NRXN3: variants seen among roughly 807,000 people sequenced by gnomAD.
NRXN3 encodes neurexin 3.
In NRXN3, 32 loss-of-function variants were observed where a neutral mutation model predicts 137.6. The ratio of observed to expected loss-of-function variants is 0.23; its 90% CI spans 0.18 to 0.31. The LOEUF (loss-of-function observed/expected upper bound fraction) is 0.31. Among genes scored for constraint, NRXN3 ranks in the 10% least tolerant of loss-of-function variants. The pLI is 1.00. For synonymous variants in NRXN3, 798 were observed against 784.5 expected, an observed-to-expected ratio of 1.02 and a Z score of -0.29; for missense variants, 1,574 against 2,062.5, an observed-to-expected ratio of 0.76 and a Z score of 4.59.
At chr14:79,183,846 C>T (rs373437177) in intron 15 of NRXN3, among the ~76,000 whole-genome samples, 1 of 152,210 alleles carries the variant, frequency 6.6e-6, no homozygotes, top group Non-Finnish European at 1.5e-5. Flanking sequence ...ACTTCCATAG[C>T]GTAGCCTGGA....
chr14:78,347,313 TCTTA>T (rs1035080742), intron 4 of NRXN3, among the ~76,000 whole-genome samples: 10 of 152,140 alleles, frequency 6.6e-5, no homozygotes, highest in South Asian at 2.1e-4. Flanking sequence ...GAGCAATAAA[TCTTA>T]CTTATGATTT....
chr14:78,318,411 A>C (rs1207110497), intron 4 of NRXN3, among the ~76,000 whole-genome samples: 1 of 152,164 alleles, frequency 6.6e-6, no homozygotes, highest in Non-Finnish European at 1.5e-5. Flanking sequence ...CCTGACATGG[A>C]TTGCTATTGA....
chr14:79,226,119 A>G (rs963048913), intron 15 of NRXN3, among the ~76,000 whole-genome samples: 2 of 152,134 alleles, frequency 1.3e-5, no homozygotes, highest in African/African-American at 4.8e-5. Flanking sequence ...TTCAGGAGCC[A>G]TGATCCTTCC....
chr14:79,368,056 C>G (rs1036027043), intron 15 of NRXN3, among the ~76,000 whole-genome samples: 3 of 152,160 alleles, frequency 2.0e-5, no homozygotes, highest in African/African-American at 7.2e-5. Context: ...CATTTCATCA[C>G]TTGGAGCATT....
chr14:79,605,461 G>A (rs2097995972), intron 16 of NRXN3, among the ~76,000 whole-genome samples: 1 of 152,234 alleles, frequency 6.6e-6, no homozygotes, highest in South Asian at 2.1e-4. Context: ...GGGCCCTGGA[G>A]TCTTTGCAGA....
chr14:78,709,719 T>C lies in NRXN3; in HGVS notation c.1660+64T>C, dbSNP rs1051153039. ...AGCTGTAGCTTCTCAGTTTGTTTTT[T>C]GGCTTTATGTTTCTTAATTTTCACC... On this transcript the variant is annotated intron_variant, in intron 7 of 20. Coordinates refer to ENST00000335750, the MANE Select transcript of NRXN3 (RefSeq NM_001330195.2). 58 of 1,451,980 alleles carry C rather than the reference T, an allele frequency of 4.0e-5. 1 individual carries two copies. The African/African-American group carries it at 7.9e-4, about 20-fold the overall frequency. 89.9% of individuals were successfully genotyped at this position (1,451,980 alleles called of 1,614,324 possible).
At chr14:78,729,402 C>T (rs181051312) in intron 8 of NRXN3, among the ~76,000 whole-genome samples, 224 of 152,262 alleles carry the variant, frequency 1.5e-3, no homozygotes, top group Non-Finnish European at 2.7e-3. Flanking sequence ...CCTCTTCCAA[C>T]CTTGTCAGTT....
At chr14:79,195,438 G>A (rs141499644) in intron 15 of NRXN3, among the ~76,000 whole-genome samples, 108 of 152,258 alleles carry the variant, frequency 7.1e-4, no homozygotes, top group African/African-American at 2.3e-3. Flanking sequence ...ACCAGCCCAC[G>A]AGTATACATG....
At chr14:79,413,608 C>T (rs1017146284) in intron 15 of NRXN3, among the ~76,000 whole-genome samples, 45 of 152,184 alleles carry the variant, frequency 3.0e-4, no homozygotes, top group African/African-American at 1.0e-3. Context: ...ACAGACTGCT[C>T]CTCCTTCCCC....
chr14:79,242,919 C>G (rs2092244308), intron 15 of NRXN3, among the ~76,000 whole-genome samples: 1 of 152,180 alleles, frequency 6.6e-6, no homozygotes. Flanking sequence ...GGCAATTATG[C>G]TACTAACATA....
At chr14:79,004,291 T>A (rs576684647) in intron 15 of NRXN3, among the ~76,000 whole-genome samples, 2 of 152,174 alleles carry the variant, frequency 1.3e-5, no homozygotes, top group Non-Finnish European at 2.9e-5. Flanking sequence ...TGTATCTCAC[T>A]TTATCATGCA....
intron 4 of NRXN3, among the ~76,000 whole-genome samples, chr14:78,529,327 AAAAT>A (rs1323883754): frequency 1.3e-5 from 2 of 152,196 alleles, no homozygotes; most frequent in African/African-American, 4.8e-5. Context: ...ATAATGGCAT[AAAAT>A]AAGAGTGGGA....
intron 16 of NRXN3, among the ~76,000 whole-genome samples, chr14:79,607,859 C>T (rs751825901): frequency 2.0e-5 from 3 of 151,830 alleles, no homozygotes; most frequent in Non-Finnish European, 4.4e-5. Flanking sequence ...TTTGTCAAGA[C>T]GGGGTCTCAC....
chr14:78,637,058 A>T (rs1203153863), intron 4 of NRXN3, among the ~76,000 whole-genome samples: 1 of 151,952 alleles, frequency 6.6e-6, no homozygotes, highest in Non-Finnish European at 1.5e-5. Context: ...CCATTTGTCC[A>T]CCCACTGGAC....
chr14:78,649,356 G>A, intron 5 of NRXN3: 1 of 1,049,428 alleles, frequency 9.5e-7, no homozygotes, highest in Non-Finnish European at 1.3e-6. Flanking sequence ...TTTGCCGTGT[G>A]TTGCCCCCCT....
At chr14:78,544,021 T>G (rs1215983767) in intron 4 of NRXN3, among the ~76,000 whole-genome samples, 1 of 152,200 alleles carries the variant, frequency 6.6e-6, no homozygotes, top group African/African-American at 2.4e-5. Context: ...CTGTTCCCAT[T>G]TCCCCTTGGC....
At chr14:78,572,855 G>A (rs2096902414) in intron 4 of NRXN3, among the ~76,000 whole-genome samples, 1 of 152,310 alleles carries the variant, frequency 6.6e-6, no homozygotes, top group Non-Finnish European at 1.5e-5. Context: ...ATGGAGGTTT[G>A]TGAAAATTTC....
chr14:79,859,112 G>T (rs2099409152), intron 20 of NRXN3, among the ~76,000 whole-genome samples: 1 of 151,998 alleles, frequency 6.6e-6, no homozygotes, highest in Admixed American at 6.6e-5. Flanking sequence ...TAGGTTTAGA[G>T]CACATACTAC....
intron 15 of NRXN3, among the ~76,000 whole-genome samples, chr14:79,252,600 T>C (rs2076083862): frequency 6.6e-6 from 1 of 152,036 alleles, no homozygotes; most frequent in African/African-American, 2.4e-5. Context: ...TGGGTAGGGA[T>C]AGTACTTTAG....
Sources: gnomAD v4.1 joint callset for allele counts (sites outside exome capture counted in the v4.1 genomes callset) on GRCh38, gnomAD v4.1.1 for gene constraint, MANE v1.5 for transcripts, NCBI Gene and HGNC (gene_info 2026-07-23, HGNC 2026-07-21) for gene names.